FIP1L1: variants seen among roughly 807,000 people sequenced by gnomAD.
FIP1L1 encodes the protein factor interacting with PAPOLA and CPSF1.
FIP1L1 carries 21 observed loss-of-function variants against 84.6 expected under a neutral mutation model. That is an observed-to-expected ratio of 0.25 (90% CI 0.18 to 0.36). FIP1L1 has a LOEUF of 0.36. FIP1L1 is among the 10% of genes least tolerant of loss of function. FIP1L1 has a pLI of 1.00. For missense variants in FIP1L1, 526 were observed against 751.1 expected, an observed-to-expected ratio of 0.70 and a Z score of 3.50; for synonymous variants, 263 against 242.3, an observed-to-expected ratio of 1.09 and a Z score of -0.80.
At chr4:53,398,144 A>C (rs549078188) in intron 9 of FIP1L1, among the ~76,000 whole-genome samples, 1 of 151,950 alleles carries the variant, frequency 6.6e-6, no homozygotes, top group African/African-American at 2.4e-5. Flanking sequence ...TTGTGTTTCT[A>C]TCAGCTTCTG....
intron 10 of FIP1L1, among the ~76,000 whole-genome samples, chr4:53,412,287 G>C (rs1030705254): frequency 1.3e-5 from 2 of 152,028 alleles, no homozygotes; most frequent in Non-Finnish European, 2.9e-5. Flanking sequence ...TAATCATACG[G>C]CAGAGTTATC....
chr4:53,409,362 C>T (rs9685694), intron 10 of FIP1L1, among the ~76,000 whole-genome samples: 148,845 of 152,228 alleles, frequency 0.98, 72,861 homozygotes, highest in Middle Eastern at 1. Context: ...GGACGTTTTG[C>T]CTCAGAGGAG....
intron 15 of FIP1L1, among the ~76,000 whole-genome samples, 183 bp from the exon 16 acceptor site, chr4:53,452,737 T>C (rs1716844432): frequency 6.6e-6 from 1 of 152,238 alleles, no homozygotes; most frequent in South Asian, 2.1e-4. Flanking sequence ...GGTCTTTATA[T>C]GTTAGGTTTT....
intron 9 of FIP1L1, among the ~76,000 whole-genome samples, chr4:53,395,874 G>A (rs555115549): frequency 1.3e-5 from 2 of 151,462 alleles, no homozygotes; most frequent in Admixed American, 6.6e-5. Context: ...TGTGGATATA[G>A]ATATCACCCT....
At chr4:53,385,040 C>T (rs538636446) in intron 5 of FIP1L1, among the ~76,000 whole-genome samples, 1 of 152,182 alleles carries the variant, frequency 6.6e-6, no homozygotes, top group Non-Finnish European at 1.5e-5. Flanking sequence ...TTTTAAAATC[C>T]TAGCACCTTT....
intron 5 of FIP1L1, among the ~76,000 whole-genome samples, chr4:53,386,227 G>C (rs935843094): frequency 1.3e-5 from 2 of 152,106 alleles, no homozygotes; most frequent in African/African-American, 4.8e-5. Context: ...ATCTGGCACT[G>C]TGTTAAGTAG....
At chr4:53,391,272 T>C in intron 8 of FIP1L1, 133 bp downstream of exon 8, 1 of 1,243,118 alleles carries the variant, frequency 8.0e-7, no homozygotes, top group Non-Finnish European at 1.1e-6. Flanking sequence ...TTTACCATGT[T>C]TGTTTTTCCC....
Position 53,403,597 on chromosome 4 carries a change from C to T in FIP1L1, c.815+3758C>T, listed in dbSNP as rs547065379. ...ATCCTGCTGATTGTGGAAGTGTTTT[C>T]CCTGCAAAAAGTTCTTAAGATGCTT... On this transcript the variant is annotated intron_variant, in intron 10 of 17. Coordinates refer to ENST00000337488, the MANE Select transcript of FIP1L1 (RefSeq NM_030917.4). 1.2e-4 allele frequency among the ~76,000 whole-genome samples: 18 copies of T among 152,184 alleles called. No individual in the cohort carries two copies. The South Asian group carries it at 3.5e-3, about 30-fold the overall frequency.
chr4:53,377,994 T>G, intron 1 of FIP1L1, 71 bp downstream of exon 1: 1 of 1,319,510 alleles, frequency 7.6e-7, no homozygotes, highest in Non-Finnish European at 1.0e-6. Flanking sequence ...ACGGCCGGCG[T>G]CCCTGGCCTC....
At chr4:53,412,226 CCCT>C (rs1757559265) in intron 10 of FIP1L1, among the ~76,000 whole-genome samples, 1 of 152,200 alleles carries the variant, frequency 6.6e-6, no homozygotes, top group South Asian at 2.1e-4. Context: ...TGCCCCTTTA[CCCT>C]TAAGTACTTA....
At chr4:53,420,217 A>AAAACAAAC (rs1560540825) in intron 11 of FIP1L1, among the ~76,000 whole-genome samples, 1,743 of 146,328 alleles carry the variant, frequency 0.012, 103 homozygotes, top group African/African-American at 0.043. Flanking sequence ...AAAAAAAAAA[A>AAAACAAAC]AAAAAAAACC....
intron 10 of FIP1L1, among the ~76,000 whole-genome samples, chr4:53,412,644 A>G (rs1232049762): frequency 1.3e-5 from 2 of 152,030 alleles, no homozygotes; most frequent in Admixed American, 6.5e-5. Context: ...TTCTCAGTGT[A>G]TTGGCTTGGA....
intron 13 of FIP1L1, chr4:53,442,377 A>G (rs994680939): frequency 6.4e-6 from 2 of 314,570 alleles, no homozygotes; most frequent in African/African-American, 4.3e-5. Context: ...ACTTTCTCAT[A>G]CTTACAAAAT....
intron 5 of FIP1L1, among the ~76,000 whole-genome samples, chr4:53,389,125 C>A (rs892287651): frequency 2.6e-5 from 4 of 152,190 alleles, no homozygotes; most frequent in African/African-American, 9.6e-5. Context: ...CCACCACCGG[C>A]AAACACTGTT....
chr4:53,380,019 G>T (rs1736956119), intron 3 of FIP1L1, among the ~76,000 whole-genome samples: 1 of 152,140 alleles, frequency 6.6e-6, no homozygotes, highest in South Asian at 2.1e-4. Flanking sequence ...GTGAGGATAT[G>T]GGGAAATAAA....
chr4:53,440,121 A>G (rs1445221039), intron 13 of FIP1L1, among the ~76,000 whole-genome samples: 1 of 152,060 alleles, frequency 6.6e-6, no homozygotes, highest in Non-Finnish European at 1.5e-5. Flanking sequence ...ACTTGAATGA[A>G]CCACAACATA....
At chr4:53,419,829 TCAGC>T (rs1409420788) in intron 11 of FIP1L1, among the ~76,000 whole-genome samples, 6 of 152,112 alleles carry the variant, frequency 3.9e-5, no homozygotes, top group African/African-American at 1.4e-4. Flanking sequence ...GAAAGATAAA[TCAGC>T]CAGGCGCAAT....
At chr4:53,378,150 C>T (rs950467843) in intron 1 of FIP1L1, 6 of 420,126 alleles carry the variant, frequency 1.4e-5, no homozygotes, top group Non-Finnish European at 2.5e-5. Context: ...GCGGCCGGGC[C>T]GGGCTGGGGG....
At chr4:53,395,592 A>G (rs1176195026) in intron 9 of FIP1L1, among the ~76,000 whole-genome samples, 4 of 152,232 alleles carry the variant, frequency 2.6e-5, no homozygotes, top group African/African-American at 9.6e-5. Flanking sequence ...TGATATAGTT[A>G]TAAACTACAT....
Sources: allele counts gnomAD v4.1 joint callset (sites outside exome capture counted in the v4.1 genomes callset), GRCh38; gene constraint gnomAD v4.1.1; transcripts MANE v1.5; gene names NCBI Gene and HGNC (gene_info 2026-07-23, HGNC 2026-07-21).